The following SYTL3 variants were observed in gnomAD, a reference collection of about 807,000 sequenced individuals.
SYTL3 encodes the protein synaptotagmin like 3, also known as synaptotagmin-like protein 3.
Under a neutral mutation model 82.1 loss-of-function variants are expected in SYTL3, and 88 were observed. That is an observed-to-expected ratio of 1.07 (90% CI 0.90 to 1.28). The LOEUF (loss-of-function observed/expected upper bound fraction) is 1.28, where lower values mean the gene tolerates loss of function less well. Among genes scored for constraint, SYTL3 ranks in the 50% most tolerant of loss-of-function variants. The probability of loss-of-function intolerance (pLI) is 0.00; values close to 1 mark genes in which losing one functional copy is unlikely to be tolerated. For synonymous variants in SYTL3, 311 were observed against 289.4 expected (o/e 1.07, Z -0.76); for missense variants, 831 against 757.6 (o/e 1.10, Z -1.14).
chr6:158,722,500 T>G (rs537607530), intron 10 of SYTL3, among the ~76,000 whole-genome samples: 5 of 152,276 alleles, frequency 3.3e-5, no homozygotes, highest in African/African-American at 9.6e-5. Flanking sequence ...TTGAACCACA[T>G]GTTCTGAAAA....
At chr6:158,705,187 T>C (rs866969582) in intron 6 of SYTL3, among the ~76,000 whole-genome samples, 1 of 43,348 alleles carries the variant, frequency 2.3e-5, no homozygotes, top group Non-Finnish European at 4.3e-5. Flanking sequence ...CAGTGAGGGC[T>C]GTAAGGCCAC....
chr6:158,676,994 G>A (rs1331247378), intron 5 of SYTL3, among the ~76,000 whole-genome samples: 11 of 152,170 alleles, frequency 7.2e-5, no homozygotes, highest in African/African-American at 2.7e-4. Context: ...GGAAGACAGT[G>A]TGGCGATTCC....
Position 158,663,247 on chromosome 6 carries a change from G to C in SYTL3, c.-22G>C. The C allele has an allele frequency of 5.0e-6, 8 of 1,612,456 alleles. No homozygotes were observed. The highest frequency in any genetic ancestry group is 6.8e-6 in the Non-Finnish European group (8 of 1,178,570). On this transcript the variant is annotated 5_prime_UTR_variant, in exon 4 of 18. Transcript: ENST00000611299. ...CATGCAGTGAAGCTCTTCCAACCTGGGTCAACGAAAACGGAGAAGAAATGG... is the reference window on the plus strand; with the variant it reads ...CATGCAGTGAAGCTCTTCCAACCTGCGTCAACGAAAACGGAGAAGAAATGG...
chr6:158,670,775 CAAAAAAAAG>C (rs982763086), intron 5 of SYTL3, among the ~76,000 whole-genome samples: 2 of 148,562 alleles, frequency 1.3e-5, no homozygotes, highest in African/African-American at 2.5e-5. Context: ...GACTCAATCT[CAAAAAAAAG>C]AAAAAAAAGA....
At chr6:158,737,195 C>T (rs1786296075) in intron 11 of SYTL3, among the ~76,000 whole-genome samples, 1 of 152,144 alleles carries the variant, frequency 6.6e-6, no homozygotes, top group Non-Finnish European at 1.5e-5. Flanking sequence ...TTGAACTTCA[C>T]CATGACCCTA....
chr6:158,673,440 A>ATTTTTTTTTTTTTTTTTTTTT (rs553781177), intron 5 of SYTL3, among the ~76,000 whole-genome samples: 1 of 134,506 alleles, frequency 7.4e-6, no homozygotes. Context: ...TGGGAATAGC[A>ATTTTTTTTTTTTTTTTTTTTT]TTTTTTTTTT....
At chr6:158,720,597 C>G (rs1296863624) in intron 10 of SYTL3, among the ~76,000 whole-genome samples, 1 of 152,102 alleles carries the variant, frequency 6.6e-6, no homozygotes, top group African/African-American at 2.4e-5. Context: ...CGTGTGGAAG[C>G]ATGAGTAATT....
chr6:158,751,901 T>G, intron 12 of SYTL3, 27 bp from the exon 13 acceptor site: 1 of 1,550,688 alleles, frequency 6.4e-7, no homozygotes, highest in Non-Finnish European at 8.8e-7. Flanking sequence ...GAGTTCTCAC[T>G]CTGTCCCCGC....
intron 13 of SYTL3, among the ~76,000 whole-genome samples, chr6:158,754,024 G>A (rs901364): frequency 0.49 from 74,365 of 151,910 alleles, 18,959 homozygotes; most frequent in African/African-American, 0.56. Flanking sequence ...TAAAAGTCTC[G>A]CTAGAAGCCA....
intron 16 of SYTL3, among the ~76,000 whole-genome samples, chr6:158,762,594 G>A (rs1314929208): frequency 5.3e-5 from 8 of 152,104 alleles, no homozygotes; most frequent in South Asian, 4.1e-4. Context: ...CAAACTCCCC[G>A]TCAGTGACAT....
At chr6:158,753,843 AGT>A (rs1788728068) in intron 13 of SYTL3, among the ~76,000 whole-genome samples, 1 of 151,714 alleles carries the variant, frequency 6.6e-6, no homozygotes, top group South Asian at 2.1e-4. Flanking sequence ...GGTCTTATCT[AGT>A]ATATTGTGAA....
chr6:158,683,215 C>CTTTTTT (rs35183958), intron 6 of SYTL3, among the ~76,000 whole-genome samples: 7 of 92,108 alleles, frequency 7.6e-5, no homozygotes, highest in South Asian at 4.1e-4. Flanking sequence ...GGCCCTATTC[C>CTTTTTT]TTTTTTTTTT....
At chr6:158,749,507 CTTTT>C (rs765386344) in intron 12 of SYTL3, among the ~76,000 whole-genome samples, 1 of 66,020 alleles carries the variant, frequency 1.5e-5, no homozygotes, top group Non-Finnish European at 2.8e-5. Flanking sequence ...TTCTTTCTCT[CTTTT>C]TTTTTTTTTT....
chr6:158,687,912 A>G (rs1429004886), intron 6 of SYTL3, among the ~76,000 whole-genome samples: 1 of 152,200 alleles, frequency 6.6e-6, no homozygotes, highest in Non-Finnish European at 1.5e-5. Context: ...CCACAATCCC[A>G]AACTACTGTA....
chr6:158,683,005 T>C lies in SYTL3; in HGVS notation c.394+16T>C, dbSNP rs748567664. On this transcript the variant is annotated intron_variant, in intron 6 of 17. Coordinates refer to ENST00000611299, the MANE Select transcript of SYTL3 (RefSeq NM_001242394.2). ...CCAACTGGAGGTAAATGCTCTTTAC[T>C]TTTTTAGTAAAGTAAAATGATCTAT... 6.4e-7 allele frequency: 1 copy of C among 1,572,748 alleles called. No homozygotes were observed. Among genetic ancestry groups the C allele is most frequent in the South Asian group, 1.1e-5 (1 of 90,126 alleles).
rs1452182595 is a variant in SYTL3 at position 158,663,022 on chromosome 6, G to T, written c.-247G>T. 6.3e-5 allele frequency: 25 copies of T among 397,058 alleles called. No individual in the cohort carries two copies. Among genetic ancestry groups the T allele is most frequent in the Admixed American group, 4.2e-5 (1 of 24,046 alleles). 24.6% of individuals were successfully genotyped at this position (397,058 alleles called of 1,614,324 possible). ...ACCCGGTGAAAACACCCCCCGGGTA[G>T]CACGAGGCTCTGCGAGCCGTAACTC... On this transcript the variant is annotated 5_prime_UTR_variant, in exon 4 of 18. Transcript: ENST00000611299.
upstream of SYTL3, among the ~76,000 whole-genome samples, chr6:158,646,644 G>A (rs6903460): frequency 2.0e-5 from 3 of 152,030 alleles, no homozygotes; most frequent in African/African-American, 7.2e-5. Context: ...CTGGGTGTTC[G>A]GCCTGAGCGA....
intron 4 of SYTL3, among the ~76,000 whole-genome samples, chr6:158,664,571 A>G (rs756948410): frequency 1.3e-5 from 2 of 152,140 alleles, no homozygotes; most frequent in Non-Finnish European, 2.9e-5. Flanking sequence ...CGAAAACAAA[A>G]ACTATAATAC....
Position 158,764,685 on chromosome 6 carries a change from T to G in SYTL3, c.*81T>G, listed in dbSNP as rs561444135. ...GAGGGGCTACGAACCAGGTGCAGGG[T>G]CCCAGCTGGAGACCCCTTTGACCTT... On this transcript the variant is annotated 3_prime_UTR_variant, in exon 18 of 18. Coordinates refer to ENST00000611299, the MANE Select transcript of SYTL3 (RefSeq NM_001242394.2). 1.1e-4 allele frequency: 116 copies of G among 1,023,662 alleles called. No individual in the cohort carries two copies. The highest frequency in any genetic ancestry group is 1.6e-4 in the African/African-American group (10 of 63,838). The allele number at this position is 1,023,662 out of a possible 1,614,324, so 63.4% of individuals were successfully genotyped here. A position where few individuals can be genotyped will look rare whatever the true frequency, so the allele number is the denominator to read the frequency against.
Sources: allele counts gnomAD v4.1 joint callset (sites outside exome capture counted in the v4.1 genomes callset), GRCh38; gene constraint gnomAD v4.1.1; transcripts MANE v1.5; gene names NCBI Gene and HGNC (gene_info 2026-07-23, HGNC 2026-07-21).